Variants in MRPS31 observed in about 807,000 individuals in gnomAD.
The protein encoded by MRPS31 is mitochondrial ribosomal protein S31.
Under a neutral mutation model 43.1 loss-of-function variants are expected in MRPS31, and 32 were observed. The observed-to-expected ratio is 0.74, with a 90% CI of 0.56 to 1.00. The LOEUF (loss-of-function observed/expected upper bound fraction) is 1.00. MRPS31 is among the 50% of genes least tolerant of loss of function. The pLI, the probability that MRPS31 is intolerant of heterozygous loss-of-function variation, is 0.00. For synonymous variants in MRPS31, 165 were observed against 161.6 expected, an observed-to-expected ratio of 1.02 and a Z score of -0.16; for missense variants, 437 against 466.7, an observed-to-expected ratio of 0.94 and a Z score of 0.59.
At chr13:40,738,924 C>A (rs1461035391) in intron 6 of MRPS31, among the ~76,000 whole-genome samples, 1 of 152,026 alleles carries the variant, frequency 6.6e-6, no homozygotes, top group Non-Finnish European at 1.5e-5. Context: ...CATAGTGTTG[C>A]AAGTTCTGGC....
At chr13:40,752,548 A>G (rs1880420228) in intron 5 of MRPS31, 1 of 152,210 alleles carries the variant, frequency 6.6e-6, no homozygotes, top group Non-Finnish European at 1.5e-5. Flanking sequence ...TTGTTCAAAA[A>G]AGAATTTAAG....
intron 6 of MRPS31, among the ~76,000 whole-genome samples, chr13:40,739,176 C>A (rs1196642438): frequency 1.3e-5 from 2 of 152,052 alleles, no homozygotes; most frequent in Non-Finnish European, 2.9e-5. Flanking sequence ...CATGAGTGAA[C>A]TCCCATTCAC....
At chr13:40,741,098 G>T (rs994800255) in intron 6 of MRPS31, among the ~76,000 whole-genome samples, 6 of 151,542 alleles carry the variant, frequency 4.0e-5, no homozygotes, top group African/African-American at 1.5e-4. Flanking sequence ...ATATATACTA[G>T]ATGACATCTA....
chr13:40,762,373 T>C (rs1481012159), intron 2 of MRPS31, among the ~76,000 whole-genome samples: 3 of 152,184 alleles, frequency 2.0e-5, no homozygotes, highest in Non-Finnish European at 4.4e-5. Context: ...CCTAATTTGA[T>C]TCTAATCTTT....
At chr13:40,764,277 T>A (rs1318983751) in intron 2 of MRPS31, among the ~76,000 whole-genome samples, 1 of 152,248 alleles carries the variant, frequency 6.6e-6, no homozygotes, top group Non-Finnish European at 1.5e-5. Flanking sequence ...AGTACCTGCA[T>A]ATAAGTAATG....
intron 3 of MRPS31, among the ~76,000 whole-genome samples, chr13:40,757,317 T>C (rs1431400255): frequency 6.6e-6 from 1 of 152,150 alleles, no homozygotes; most frequent in Non-Finnish European, 1.5e-5. Flanking sequence ...CTGTTATACC[T>C]ATCACCTACA....
chr13:40,731,917 C>G (rs770383681), intron 6 of MRPS31, among the ~76,000 whole-genome samples: 16 of 151,588 alleles, frequency 1.1e-4, no homozygotes, highest in Non-Finnish European at 2.2e-4. Flanking sequence ...ATAGATCTTT[C>G]ATGAATGAAT....
chr13:40,748,933 C>T (rs924680808), intron 6 of MRPS31, among the ~76,000 whole-genome samples: 15 of 152,104 alleles, frequency 9.9e-5, no homozygotes, highest in African/African-American at 3.4e-4. Flanking sequence ...AGTTTTACTT[C>T]TTCATTTTTC....
intron 2 of MRPS31, among the ~76,000 whole-genome samples, chr13:40,764,729 C>T (rs909210355): frequency 1.3e-5 from 2 of 152,212 alleles, no homozygotes; most frequent in Non-Finnish European, 2.9e-5. Context: ...TGACAGCCAG[C>T]AGCAACTGCC....
intron 6 of MRPS31, among the ~76,000 whole-genome samples, chr13:40,743,450 T>C (rs538382876): frequency 6.6e-6 from 1 of 152,200 alleles, no homozygotes; most frequent in South Asian, 2.1e-4. Context: ...GCAAACTATG[T>C]ATCCAATAAA....
chr13:40,760,134 CAAAA>C (rs11327076), intron 2 of MRPS31, among the ~76,000 whole-genome samples: 1 of 77,900 alleles, frequency 1.3e-5, no homozygotes, highest in Non-Finnish European at 2.7e-5. Context: ...TAGACTCTGT[CAAAA>C]AAAAAAAAAA....
chr13:40,735,364 A>G (rs965986212), intron 6 of MRPS31, among the ~76,000 whole-genome samples: 42 of 152,192 alleles, frequency 2.8e-4, no homozygotes, highest in Non-Finnish European at 4.3e-4. Context: ...AGGGGCGCCC[A>G]CCATTGCCCA....
chr13:40,732,445 G>A (rs1845204529), intron 6 of MRPS31, among the ~76,000 whole-genome samples: 1 of 152,164 alleles, frequency 6.6e-6, no homozygotes, highest in African/African-American at 2.4e-5. Flanking sequence ...AACTAAACAT[G>A]TGCATGGGCA....
At chr13:40,746,660 C>A (rs1474499869) in intron 6 of MRPS31, among the ~76,000 whole-genome samples, 1 of 152,182 alleles carries the variant, frequency 6.6e-6, no homozygotes, top group South Asian at 2.1e-4. Context: ...TGACAACATA[C>A]CATGAGTTCG....
intron 4 of MRPS31, among the ~76,000 whole-genome samples, chr13:40,755,130 T>C (rs868226624): frequency 2.0e-5 from 3 of 152,356 alleles, no homozygotes; most frequent in South Asian, 2.1e-4. Flanking sequence ...CTCTACTAAA[T>C]AGAAATAACT....
rs1880986006 is a variant in MRPS31 at position 40,770,843 on chromosome 13, T to A, written c.152+142A>T. The stretch of plus-strand genomic sequence containing the variant: ...CTCTGTTTTCACGCACACTATGACC[T>A]TGGGCAAGTCATCTTTTCTTTCTGG... On this transcript the variant is annotated intron_variant, in intron 1 of 6. Coordinates refer to ENST00000323563, the MANE Select transcript of MRPS31 (RefSeq NM_005830.4). 24 of 1,123,284 alleles carry A rather than the reference T, an allele frequency of 2.1e-5. No homozygotes were observed. The South Asian group carries it at 3.2e-4, about 15-fold the overall frequency. 69.6% of individuals were successfully genotyped at this position (1,123,284 alleles called of 1,614,324 possible).
intron 6 of MRPS31, among the ~76,000 whole-genome samples, chr13:40,745,055 G>A (rs1339400474): frequency 6.6e-6 from 1 of 151,794 alleles, no homozygotes; most frequent in African/African-American, 2.4e-5. Flanking sequence ...CTGAGTAGCT[G>A]GAATTACAGG....
At chr13:40,757,594 G>C (rs763097027) in intron 3 of MRPS31, among the ~76,000 whole-genome samples, 1 of 151,406 alleles carries the variant, frequency 6.6e-6, no homozygotes, top group Non-Finnish European at 1.5e-5. Flanking sequence ...ACAGGCGTGT[G>C]CCACCATGCC....
chr13:40,740,502 C>A (rs1485514310), intron 6 of MRPS31, among the ~76,000 whole-genome samples: 5 of 139,470 alleles, frequency 3.6e-5, no homozygotes, highest in Admixed American at 2.9e-4. Flanking sequence ...TTTATTGCGG[C>A]ATTATTCACA....
Sources: gnomAD v4.1 joint callset for allele counts (sites outside exome capture counted in the v4.1 genomes callset) on GRCh38, gnomAD v4.1.1 for gene constraint, MANE v1.5 for transcripts, NCBI Gene and HGNC (gene_info 2026-07-23, HGNC 2026-07-21) for gene names.